Variants in DCC observed in about 807,000 individuals in gnomAD.
DCC encodes the protein netrin receptor DCC.
DCC carries 58 observed loss-of-function variants against 172.5 expected under a neutral mutation model. That is an observed-to-expected ratio of 0.34 (90% CI 0.27 to 0.42). The LOEUF (loss-of-function observed/expected upper bound fraction) is 0.42. Ranked by LOEUF, DCC falls within the 10% of genes least tolerant of loss-of-function variation. DCC has a pLI of 1.00. For synonymous variants in DCC, 709 were observed against 644.5 expected (o/e 1.10, Z -1.52); for missense variants, 1,740 against 1,791.0 (o/e 0.97, Z 0.51).
intron 5 of DCC, among the ~76,000 whole-genome samples, chr18:52,932,846 A>C (rs756186700): frequency 1.3e-5 from 2 of 151,478 alleles, no homozygotes; most frequent in Non-Finnish European, 3.0e-5. Flanking sequence ...CTTACTCTCT[A>C]TTTCTAAAGT....
chr18:52,347,524 G>T (rs1281734120), intron 1 of DCC, among the ~76,000 whole-genome samples: 1 of 151,982 alleles, frequency 6.6e-6, no homozygotes, highest in Admixed American at 6.6e-5. Context: ...TTTATCTCTG[G>T]CTATAAAATA....
chr18:52,799,022 T>G (rs928753135), intron 2 of DCC, among the ~76,000 whole-genome samples: 6 of 152,244 alleles, frequency 3.9e-5, no homozygotes, highest in African/African-American at 1.4e-4. Flanking sequence ...ATGCTGGGAT[T>G]ACAGGCGTGA....
At chr18:53,099,820 A>G (rs921455173) in intron 7 of DCC, among the ~76,000 whole-genome samples, 5 of 152,078 alleles carry the variant, frequency 3.3e-5, no homozygotes, top group African/African-American at 1.2e-4. Context: ...TGTTCTAAAT[A>G]AGAGTTGTCA....
chr18:52,888,339 T>C (rs904375871), intron 2 of DCC, among the ~76,000 whole-genome samples: 1 of 151,708 alleles, frequency 6.6e-6, no homozygotes, highest in African/African-American at 2.4e-5. Flanking sequence ...TCTCAGTGGA[T>C]AATACAATTT....
At chr18:53,394,424 A>G (rs925314755) in intron 17 of DCC, among the ~76,000 whole-genome samples, 3 of 152,192 alleles carry the variant, frequency 2.0e-5, no homozygotes, top group Non-Finnish European at 2.9e-5. Flanking sequence ...TCCCAAATCT[A>G]TAATACAGAT....
At chr18:53,441,800 T>G (rs1436620104) in intron 22 of DCC, among the ~76,000 whole-genome samples, 2 of 152,230 alleles carry the variant, frequency 1.3e-5, no homozygotes, top group Non-Finnish European at 2.9e-5. Context: ...CAGAGTGGTC[T>G]TCTTAAAACA....
At chr18:53,057,200 CTTTG>C (rs762941840) in intron 5 of DCC, among the ~76,000 whole-genome samples, 2 of 150,248 alleles carry the variant, frequency 1.3e-5, no homozygotes, top group African/African-American at 2.4e-5. Flanking sequence ...TTGATGATGA[CTTTG>C]TTTGGAGCTC....
chr18:53,261,681 T>G (rs2056605353), intron 12 of DCC, among the ~76,000 whole-genome samples: 1 of 152,090 alleles, frequency 6.6e-6, no homozygotes, highest in Non-Finnish European at 1.5e-5. Flanking sequence ...CCGGCTAATT[T>G]TTTGTATTTT....
chr18:53,377,352 T>TGAGAGAGAGAGA (rs59629030), intron 15 of DCC, among the ~76,000 whole-genome samples: 1,528 of 137,236 alleles, frequency 0.011, 16 homozygotes, highest in South Asian at 0.022. Context: ...AAGATGCATT[T>TGAGAGAGAGAGA]GAGAGAGAGA....
intron 12 of DCC, among the ~76,000 whole-genome samples, chr18:53,259,876 A>G (rs1484085534): frequency 1.3e-5 from 2 of 151,206 alleles, no homozygotes; most frequent in Non-Finnish European, 2.9e-5. Flanking sequence ...GTCTTTTCAC[A>G]TAGTCCCATA....
At chr18:52,866,207 G>A (rs775921463) in intron 2 of DCC, among the ~76,000 whole-genome samples, 108 of 152,126 alleles carry the variant, frequency 7.1e-4, no homozygotes, top group Admixed American at 2.0e-3. Flanking sequence ...GGTTGTAGAT[G>A]TGTGGTGTTA....
intron 1 of DCC, among the ~76,000 whole-genome samples, chr18:52,362,634 A>T (rs564288072): frequency 5.3e-5 from 8 of 152,246 alleles, no homozygotes; most frequent in African/African-American, 1.9e-4. Flanking sequence ...TTGGGTTATT[A>T]ACTCCTGAAA....
At chr18:52,916,758 A>G (rs960141682) in intron 3 of DCC, among the ~76,000 whole-genome samples, 6 of 152,268 alleles carry the variant, frequency 3.9e-5, no homozygotes, top group African/African-American at 1.2e-4. Context: ...AAGGCTATCA[A>G]AGTACACCTC....
intron 17 of DCC, among the ~76,000 whole-genome samples, chr18:53,396,502 C>G (rs567683928): frequency 1.3e-3 from 194 of 152,300 alleles, no homozygotes; most frequent in African/African-American, 4.2e-3. Context: ...ACTTTAAACA[C>G]CAATGTAATC....
At chr18:53,303,827 A>G (rs184370610) in intron 12 of DCC, among the ~76,000 whole-genome samples, 4 of 152,296 alleles carry the variant, frequency 2.6e-5, no homozygotes, top group Admixed American at 2.6e-4. Flanking sequence ...CCTTCTTGGT[A>G]CCTGGGTTCT....
intron 5 of DCC, among the ~76,000 whole-genome samples, chr18:52,971,402 G>A (rs1819272516): frequency 6.6e-6 from 1 of 152,096 alleles, no homozygotes. Flanking sequence ...AGTAGAATTG[G>A]CATCAGAGTG....
At chr18:52,847,586 G>A (rs1009623758) in intron 2 of DCC, among the ~76,000 whole-genome samples, 2 of 152,078 alleles carry the variant, frequency 1.3e-5, no homozygotes, top group Admixed American at 6.6e-5. Flanking sequence ...TATAAAGATC[G>A]TACCATCACT....
intron 7 of DCC, among the ~76,000 whole-genome samples, chr18:53,118,696 T>C (rs751549153): frequency 6.6e-6 from 1 of 151,760 alleles, no homozygotes; most frequent in African/African-American, 2.4e-5. Flanking sequence ...TTAAATACAT[T>C]ATTACATCGA....
chr18:53,157,590 G>GAT, intron 8 of DCC, 78 bp downstream of exon 8: 1 of 1,478,802 alleles, frequency 6.8e-7, no homozygotes, highest in Non-Finnish European at 9.3e-7. Flanking sequence ...GGCAGGAGGA[G>GAT]ATCTTGGGCA....
Sources: allele counts gnomAD v4.1 joint callset (sites outside exome capture counted in the v4.1 genomes callset), GRCh38; gene constraint gnomAD v4.1.1; transcripts MANE v1.5; gene names NCBI Gene and HGNC (gene_info 2026-07-23, HGNC 2026-07-21).